The following NCAM2 variants were observed in gnomAD, a reference collection of about 807,000 sequenced individuals.
NCAM2 encodes the protein neural cell adhesion molecule 2.
Under a neutral mutation model 98.1 loss-of-function variants are expected in NCAM2, and 30 were observed. The observed-to-expected ratio is 0.31, with a 90% confidence interval of 0.23 to 0.41. The LOEUF (loss-of-function observed/expected upper bound fraction) is 0.41. Among genes scored for constraint, NCAM2 ranks in the 10% least tolerant of loss-of-function variants. The pLI is 1.00. For missense variants in NCAM2, 867 were observed against 1,005.8 expected, an observed-to-expected ratio of 0.86 and a Z score of 1.87; for synonymous variants, 368 against 342.4, an observed-to-expected ratio of 1.07 and a Z score of -0.83.
rs1386601035 is a variant in NCAM2, at chr21:21,119,530, C to T, written c.55+120912C>T. Among the ~76,000 whole-genome samples, 3 of 149,894 alleles carry T rather than the reference C, an allele frequency of 2.0e-5. No homozygotes were observed. The South Asian group carries it at 6.4e-4, about 32-fold the overall frequency. On this transcript the variant is annotated intron_variant, in intron 1 of 17. Transcript: ENST00000400546. ...TGCAGCTAATATATTTTTGTTATTG[C>T]TAGAATCACTCATAGTTTATAAAAT...
chr21:21,355,493 G>A (rs1259947219), intron 8 of NCAM2, among the ~76,000 whole-genome samples: 2 of 81,096 alleles, frequency 2.5e-5, no homozygotes, highest in African/African-American at 4.0e-5. Context: ...AGGAGAGAAA[G>A]AAAGAAAAGA....
chr21:21,421,083 G>A (rs189356149), intron 11 of NCAM2, among the ~76,000 whole-genome samples: 280 of 151,582 alleles, frequency 1.8e-3, no homozygotes, highest in Non-Finnish European at 2.8e-3. Context: ...TTGCCATTTC[G>A]TAAATGATGT....
At chr21:21,314,607 A>G (rs1040244585) in intron 5 of NCAM2, among the ~76,000 whole-genome samples, 1 of 152,110 alleles carries the variant, frequency 6.6e-6, no homozygotes, top group African/African-American at 2.4e-5. Flanking sequence ...CTTGGATTTC[A>G]TGACATTTTG....
At chr21:21,453,122 C>T (rs1405884687) in intron 12 of NCAM2, among the ~76,000 whole-genome samples, 10 of 127,594 alleles carry the variant, frequency 7.8e-5, no homozygotes, top group South Asian at 2.3e-4. Context: ...TATATAATAA[C>T]AAAATATATA....
intron 16 of NCAM2, among the ~76,000 whole-genome samples, chr21:21,517,157 C>T (rs1401069164): frequency 6.6e-6 from 1 of 152,160 alleles, no homozygotes; most frequent in Non-Finnish European, 1.5e-5. Context: ...ATTTCCAGTT[C>T]CACTTCAATT....
intron 1 of NCAM2, among the ~76,000 whole-genome samples, chr21:21,215,144 TATTGGGAGCCAACC>T (rs1416690184): frequency 2.0e-5 from 3 of 152,120 alleles, no homozygotes; most frequent in African/African-American, 7.2e-5. Flanking sequence ...TATGGTGCTG[TATTGGGAGCCAACC>T]CAGATGCCCC....
At chr21:21,416,813 T>G (rs1233427702) in intron 10 of NCAM2, among the ~76,000 whole-genome samples, 1 of 152,126 alleles carries the variant, frequency 6.6e-6, no homozygotes, top group African/African-American at 2.4e-5. Context: ...TGGACTTTAG[T>G]TTTATGTTGC....
chr21:21,287,948 G>A (rs920076245), intron 4 of NCAM2, among the ~76,000 whole-genome samples: 16 of 151,758 alleles, frequency 1.1e-4, no homozygotes, highest in South Asian at 2.1e-4. Context: ...TCATAAATGA[G>A]ACTTTAGACA....
intron 1 of NCAM2, among the ~76,000 whole-genome samples, chr21:21,050,050 A>ACTGATCAGAT (rs2065076141): frequency 1.3e-5 from 2 of 152,124 alleles, no homozygotes; most frequent in South Asian, 4.1e-4. Flanking sequence ...AGATCAGGTG[A>ACTGATCAGAT]CTGATCAAAT....
At chr21:21,270,935 C>T (rs2072473455) in intron 1 of NCAM2, among the ~76,000 whole-genome samples, 3 of 151,378 alleles carry the variant, frequency 2.0e-5, no homozygotes, top group African/African-American at 7.3e-5. Flanking sequence ...TTCTCATCTT[C>T]TCTTTTAGTT....
At chr21:21,470,335 T>C (rs185944372) in intron 14 of NCAM2, among the ~76,000 whole-genome samples, 10 of 152,226 alleles carry the variant, frequency 6.6e-5, no homozygotes, top group African/African-American at 2.4e-4. Flanking sequence ...TTTCTTTAAA[T>C]GTGGATTAGA....
intron 1 of NCAM2, among the ~76,000 whole-genome samples, chr21:21,203,796 G>C (rs1277185935): frequency 6.6e-6 from 1 of 152,100 alleles, no homozygotes; most frequent in Non-Finnish European, 1.5e-5. Flanking sequence ...TGTAGGTATT[G>C]AGATCTTTTT....
rs2067021593 is a variant in NCAM2 at position 21,135,212 on chromosome 21, C to G, written c.55+136594C>G. Reference sequence around the variant, plus strand: ...AGTGAGCCAAGATTGCGCCACTGCACTCCAGTCTGGGCTACAGAGTGAGAC... The same window carrying G: ...AGTGAGCCAAGATTGCGCCACTGCAGTCCAGTCTGGGCTACAGAGTGAGAC... On this transcript the variant is annotated intron_variant, in intron 1 of 17. Transcript: ENST00000400546. Among the ~76,000 whole-genome samples the G allele has an allele frequency of 3.3e-5, 5 of 150,202 alleles. No homozygotes were observed. In the South Asian group the frequency reaches 1.1e-3, roughly 32 times the overall value.
intron 1 of NCAM2, among the ~76,000 whole-genome samples, chr21:21,023,762 G>T (rs1400296077): frequency 6.6e-6 from 1 of 151,844 alleles, no homozygotes; most frequent in Non-Finnish European, 1.5e-5. Flanking sequence ...TTATAAATAT[G>T]GATATATTTG....
chr21:21,088,841 G>A (rs1261365754), intron 1 of NCAM2, among the ~76,000 whole-genome samples: 5 of 151,880 alleles, frequency 3.3e-5, no homozygotes, highest in Non-Finnish European at 5.9e-5. Flanking sequence ...GCGTGGTGGC[G>A]GGCGCCTGTA....
intron 1 of NCAM2, among the ~76,000 whole-genome samples, chr21:21,212,991 T>C (rs751989907): frequency 2.0e-5 from 3 of 151,982 alleles, no homozygotes; most frequent in Non-Finnish European, 2.9e-5. Context: ...CCGCCCGCCT[T>C]GGCCTCCTGA....
chr21:21,094,858 T>G (rs2146462206), intron 1 of NCAM2, among the ~76,000 whole-genome samples: 1 of 151,798 alleles, frequency 6.6e-6, no homozygotes, highest in African/African-American at 2.4e-5. Flanking sequence ...TTGAAAAAAT[T>G]CCATGGGGAC....
intron 15 of NCAM2, 21 bp from the exon 16 acceptor site, chr21:21,508,830 T>TAA: frequency 1.9e-6 from 2 of 1,054,818 alleles, no homozygotes; most frequent in Non-Finnish European, 1.2e-6. Flanking sequence ...TTTTTTTTTT[T>TAA]TTTTTTTTTT....
Position 21,292,163 on chromosome 21 carries a change from G to A in NCAM2, c.541G>A (p.Glu181Lys). 1 of 1,610,504 alleles carries A rather than the reference G, an allele frequency of 6.2e-7. No homozygotes were observed. Among genetic ancestry groups the A allele is most frequent in the Non-Finnish European group, 8.5e-7 (1 of 1,177,954 alleles). ...GATTCTCAACATCAATAAAAGTGATGAAGGTATATACAGATGTGAAGGAAG... is the reference window on the plus strand; with the variant it reads ...GATTCTCAACATCAATAAAAGTGATAAAGGTATATACAGATGTGAAGGAAG... ...LQILNINKSDEGIYRCEGRVE... is the reference protein window; with the variant it reads ...LQILNINKSDKGIYRCEGRVE... The change falls in exon 5 of 18, where the codon GAA (glutamate) becomes AAA (lysine). Residue 181 changes from glutamate (E) to lysine (K), a missense_variant. Glu to Lys is a moderately conservative substitution (Grantham distance 56). Coordinates refer to ENST00000400546, the MANE Select transcript of NCAM2 (RefSeq NM_004540.5).
Sources: gnomAD v4.1 joint callset for allele counts (sites outside exome capture counted in the v4.1 genomes callset) on GRCh38, gnomAD v4.1.1 for gene constraint, MANE v1.5 for transcripts, NCBI Gene and HGNC (gene_info 2026-07-23, HGNC 2026-07-21) for gene names.